Variants in OPCML observed in about 807,000 individuals in gnomAD.
The protein encoded by OPCML is opioid-binding protein/cell adhesion molecule.
OPCML carries 13 observed loss-of-function variants against 37.8 expected under a neutral mutation model. The ratio of observed to expected loss-of-function variants is 0.34; its 90% CI spans 0.22 to 0.55. The LOEUF (loss-of-function observed/expected upper bound fraction) is 0.55, where lower values mean the gene tolerates loss of function less well. Among genes scored for constraint, OPCML ranks in the 20% least tolerant of loss-of-function variants. OPCML has a pLI of 0.91. For synonymous variants in OPCML, 176 were observed against 168.8 expected (o/e 1.04, Z -0.33); for missense variants, 341 against 435.6 (o/e 0.78, Z 1.93).
chr11:133,521,271 G>T (rs1034395128), intron 1 of OPCML, among the ~76,000 whole-genome samples: 8 of 152,218 alleles, frequency 5.3e-5, no homozygotes, highest in Admixed American at 3.9e-4. Flanking sequence ...GCTTGCCCAA[G>T]ATCACTTGGC....
chr11:132,633,870 A>G, intron 3 of OPCML, among the ~76,000 whole-genome samples: 1 of 150,612 alleles, frequency 6.6e-6, no homozygotes, highest in East Asian at 2.0e-4. Context: ...AACAAGAAAG[A>G]CGTTTATTAC....
intron 1 of OPCML, among the ~76,000 whole-genome samples, chr11:133,458,855 G>GTGTGTATATACACATAGATACACGTGTA (rs1946789612): frequency 6.7e-6 from 1 of 148,670 alleles, no homozygotes; most frequent in African/African-American, 2.6e-5. Context: ...ATGCACGTGT[G>GTGTGTATATACACATAGATACACGTGTA]TGTGTATATA....
chr11:132,640,720 G>A (rs1052946168), intron 3 of OPCML, among the ~76,000 whole-genome samples: 1 of 152,284 alleles, frequency 6.6e-6, no homozygotes, highest in Admixed American at 6.5e-5. Flanking sequence ...TAGTTACGGT[G>A]TGGTGTGATA....
rs147813537 is a variant in OPCML at position 132,626,418 on chromosome 11, G to A, written c.379+30669C>T. 1.2e-4 allele frequency among the ~76,000 whole-genome samples: 18 copies of A among 152,132 alleles called. No individual in the cohort carries two copies. In the East Asian group the frequency reaches 3.3e-3, roughly 28 times the overall value. ...AAGTAAGATACTATGAGGAATAAAT[G>A]CAAAGATAGGGAATTTGGAAACCAC... is the stretch of plus-strand genomic sequence containing the variant. On this transcript the variant is annotated intron_variant, in intron 3 of 7. Coordinates refer to ENST00000524381, the MANE Select transcript of OPCML (RefSeq NM_001012393.5).
At chr11:132,814,640 C>T (rs1008082456) in intron 2 of OPCML, among the ~76,000 whole-genome samples, 1 of 152,206 alleles carries the variant, frequency 6.6e-6, no homozygotes, top group Non-Finnish European at 1.5e-5. Flanking sequence ...CTAATCTCAT[C>T]CTGAGACACT....
At chr11:132,906,241 A>G (rs1026609626) in intron 2 of OPCML, among the ~76,000 whole-genome samples, 1 of 152,242 alleles carries the variant, frequency 6.6e-6, no homozygotes, top group Non-Finnish European at 1.5e-5. Context: ...GCAAGGACCC[A>G]TGGGGCAGGT....
chr11:133,386,728 T>C (rs1023617973), intron 1 of OPCML, among the ~76,000 whole-genome samples: 7 of 152,356 alleles, frequency 4.6e-5, no homozygotes, highest in Non-Finnish European at 7.4e-5. Context: ...TAATGACCTG[T>C]TAGTACGCAC....
intron 2 of OPCML, among the ~76,000 whole-genome samples, chr11:132,761,031 G>T (rs564288542): frequency 3.9e-4 from 59 of 152,192 alleles, no homozygotes; most frequent in African/African-American, 1.3e-3. Flanking sequence ...TGTCTGTAAA[G>T]GATTTTATTT....
At position 133,211,670 on chromosome 11, in the gene OPCML, C is replaced by A. The variant is rs746533328; in HGVS notation, c.62-268660G>T. 1.3e-5 allele frequency among the ~76,000 whole-genome samples: 2 copies of A among 152,204 alleles called. No homozygotes were observed. Among genetic ancestry groups the A allele is most frequent in the Non-Finnish European group, 2.9e-5 (2 of 68,048 alleles). On this transcript the variant is annotated intron_variant, in intron 1 of 7. Coordinates refer to ENST00000524381, the MANE Select transcript of OPCML (RefSeq NM_001012393.5). This position sits in a 1 kb window ranked among gnomAD's most constrained non-coding sequence, Gnocchi z 4.1. ...TTGTATATCTTGTACCATGAGGCAT[C>A]TGGGGCCAGGGAGTCATCTGGCTTT...
intron 1 of OPCML, among the ~76,000 whole-genome samples, chr11:133,081,991 C>T (rs1028607536): frequency 2.0e-5 from 3 of 152,118 alleles, no homozygotes; most frequent in African/African-American, 7.2e-5. Flanking sequence ...CCGGGAAGTT[C>T]TGTCCCTGCT....
At chr11:133,091,324 A>G (rs1049336171) in intron 1 of OPCML, among the ~76,000 whole-genome samples, 1 of 152,218 alleles carries the variant, frequency 6.6e-6, no homozygotes, top group African/African-American at 2.4e-5. Flanking sequence ...CAGGGCCATC[A>G]CAGAGCATCC....
At chr11:132,890,539 T>C (rs945595633) in intron 2 of OPCML, among the ~76,000 whole-genome samples, 2 of 151,846 alleles carry the variant, frequency 1.3e-5, no homozygotes, top group Middle Eastern at 3.4e-3. Context: ...AAGAGCAAGA[T>C]AAAATAAAGA....
chr11:132,772,625 A>T (rs1169221428), intron 2 of OPCML: 2 of 152,378 alleles, frequency 1.3e-5, no homozygotes, highest in Non-Finnish European at 2.9e-5. Flanking sequence ...TGGAGGGCTC[A>T]GTGGGCTAAC....
chr11:132,501,940 C>T (rs2155373), intron 4 of OPCML, among the ~76,000 whole-genome samples: 34,540 of 151,938 alleles, frequency 0.23, 4,138 homozygotes, highest in African/African-American at 0.29. Flanking sequence ...TGTTTCTGTG[C>T]GAACTATAAG....
In OPCML at chr11:133,006,838, G is replaced by T. The variant is rs1947122916; in HGVS notation, c.62-63828C>A. 4 of 985,330 alleles carry T rather than the reference G, an allele frequency of 4.1e-6. No individual in the cohort carries two copies. In the South Asian group the frequency reaches 1.4e-4, roughly 35 times the overall value. The allele number at this position is 985,330 out of a possible 1,614,324, so 61.0% of individuals were successfully genotyped here. A position where few individuals can be genotyped will look rare whatever the true frequency, so the allele number is the denominator to read the frequency against. On this transcript the variant is annotated intron_variant, in intron 1 of 7. Coordinates refer to ENST00000524381, the MANE Select transcript of OPCML (RefSeq NM_001012393.5). ...CAGTGACACCAGGGTAACTGGGCATGAAGTGCTGGCCAGGAAGGTTATATC... is the reference window on the plus strand; with the variant it reads ...CAGTGACACCAGGGTAACTGGGCATTAAGTGCTGGCCAGGAAGGTTATATC...
intron 1 of OPCML, among the ~76,000 whole-genome samples, chr11:133,281,661 G>C (rs1454766782): frequency 6.6e-6 from 1 of 152,000 alleles, no homozygotes; most frequent in Admixed American, 6.6e-5. Flanking sequence ...AGCAGAAGTT[G>C]GAAGAGTGTA....
chr11:133,116,165 C>T (rs570198569), intron 1 of OPCML, among the ~76,000 whole-genome samples: 1 of 152,262 alleles, frequency 6.6e-6, no homozygotes, highest in Admixed American at 6.5e-5. Flanking sequence ...GACAGGGTTT[C>T]ACCCTCTTGG....
At chr11:132,895,227 A>G (rs761463899) in intron 2 of OPCML, among the ~76,000 whole-genome samples, 3 of 152,226 alleles carry the variant, frequency 2.0e-5, no homozygotes, top group Non-Finnish European at 2.9e-5. Context: ...CACCACTTAT[A>G]AGAGACAAGA....
intron 2 of OPCML, among the ~76,000 whole-genome samples, chr11:132,694,179 CTTTTTTTTTTTTTTTTTTTTT>C (rs1162305568): frequency 0.012 from 520 of 43,026 alleles, 12 homozygotes; most frequent in African/African-American, 0.043. Context: ...AAATCAATGT[CTTTTTTTTTTTTTTTTTTTTT>C]TTTTTTTTTT....
Sources: gnomAD v4.1 joint callset for allele counts (sites outside exome capture counted in the v4.1 genomes callset) on GRCh38, gnomAD v4.1.1 for gene constraint, Gnocchi (gnomAD v3.1) non-coding constraint, MANE v1.5 for transcripts, NCBI Gene and HGNC (gene_info 2026-07-23, HGNC 2026-07-21) for gene names.